APBB2: variants seen among roughly 807,000 people sequenced by gnomAD.
APBB2 encodes Fe65-like 1.
In APBB2, 38 loss-of-function variants were observed where a neutral mutation model predicts 82.5. The observed-to-expected ratio is 0.46, with a 90% confidence interval of 0.36 to 0.60. The LOEUF is 0.60. Among genes scored for constraint, APBB2 ranks in the 20% least tolerant of loss-of-function variants. APBB2 has a pLI of 0.00. For synonymous variants in APBB2, 341 were observed against 368.2 expected (o/e 0.93, Z 0.85); for missense variants, 772 against 972.3 (o/e 0.79, Z 2.74).
At chr4:41,150,946 C>T (rs1762116069) in intron 1 of APBB2, among the ~76,000 whole-genome samples, 1 of 152,110 alleles carries the variant, frequency 6.6e-6, no homozygotes, top group African/African-American at 2.4e-5. Flanking sequence ...ACTATTTGGC[C>T]AGGTTGGTCT....
intron 4 of APBB2, among the ~76,000 whole-genome samples, chr4:41,050,825 G>A (rs1579575304): frequency 6.6e-6 from 1 of 152,136 alleles, no homozygotes; most frequent in African/African-American, 2.4e-5. Context: ...TTCCACAAAG[G>A]TATCAGCTAC....
intron 6 of APBB2, among the ~76,000 whole-genome samples, chr4:40,967,562 C>A (rs1212578496): frequency 6.6e-6 from 1 of 152,172 alleles, no homozygotes. Context: ...TCACAGGGAG[C>A]CAGTACCCAT....
At chr4:41,006,358 A>G (rs960541227) in intron 6 of APBB2, among the ~76,000 whole-genome samples, 2 of 152,258 alleles carry the variant, frequency 1.3e-5, no homozygotes, top group African/African-American at 4.8e-5. Flanking sequence ...CTGAGAAGAC[A>G]TAACAGGAAG....
At chr4:40,947,327 T>C (rs1788723600) in intron 6 of APBB2, among the ~76,000 whole-genome samples, 2 of 152,250 alleles carry the variant, frequency 1.3e-5, no homozygotes, top group African/African-American at 4.8e-5. Context: ...TTACCATTTC[T>C]GTGGTTTATG....
chr4:40,931,039 G>A (rs529034506), intron 10 of APBB2, among the ~76,000 whole-genome samples: 10 of 152,076 alleles, frequency 6.6e-5, no homozygotes, highest in African/African-American at 2.2e-4. Context: ...GAGCCACTGT[G>A]CCCAGCCCAA....
At chr4:40,853,610 T>C (rs1760202344) in intron 12 of APBB2, among the ~76,000 whole-genome samples, 1 of 151,996 alleles carries the variant, frequency 6.6e-6, no homozygotes, top group South Asian at 2.1e-4. Flanking sequence ...CCACCATGTC[T>C]GGCTAATTTT....
chr4:40,825,746 T>G (rs550832270), intron 15 of APBB2, 141 bp downstream of exon 15: 1 of 677,272 alleles, frequency 1.5e-6, no homozygotes, highest in South Asian at 1.7e-5. Context: ...GTTTATGTTC[T>G]CTGGCAGGTG....
At chr4:40,911,556 T>G (rs544175995) in intron 10 of APBB2, among the ~76,000 whole-genome samples, 1 of 152,318 alleles carries the variant, frequency 6.6e-6, no homozygotes, top group African/African-American at 2.4e-5. Context: ...TGTCTTACAC[T>G]GTAGGCCACA....
At chr4:40,945,990 C>T (rs1453950018) in intron 6 of APBB2, among the ~76,000 whole-genome samples, 1 of 152,066 alleles carries the variant, frequency 6.6e-6, no homozygotes, top group Non-Finnish European at 1.5e-5. Flanking sequence ...CCCAGCAATT[C>T]GGGAGGCCGA....
intron 1 of APBB2, among the ~76,000 whole-genome samples, chr4:41,187,611 T>A (rs891812784): frequency 6.6e-6 from 1 of 152,230 alleles, no homozygotes; most frequent in African/African-American, 2.4e-5. Context: ...AAGAATACTG[T>A]AATACTATCT....
chr4:40,938,283 A>C (rs1223073026), intron 7 of APBB2, among the ~76,000 whole-genome samples: 1 of 152,182 alleles, frequency 6.6e-6, no homozygotes, highest in African/African-American at 2.4e-5. Flanking sequence ...GATCCTGCTC[A>C]GTTCTGGGAG....
chr4:40,955,930 C>T (rs1002080797), intron 6 of APBB2, among the ~76,000 whole-genome samples: 1 of 152,044 alleles, frequency 6.6e-6, no homozygotes, highest in African/African-American at 2.4e-5. Context: ...CGTGTGCCAC[C>T]ACGCCCGGCT....
chr4:40,992,252 A>G (rs1802319774), intron 6 of APBB2, among the ~76,000 whole-genome samples: 1 of 151,728 alleles, frequency 6.6e-6, no homozygotes, highest in South Asian at 2.1e-4. Flanking sequence ...AGCCTTGACC[A>G]CCTGGGCCCA....
intron 3 of APBB2, among the ~76,000 whole-genome samples, chr4:41,070,121 C>G (rs1437114671): frequency 6.6e-6 from 1 of 152,168 alleles, no homozygotes; most frequent in East Asian, 1.9e-4. Flanking sequence ...TCAGTTTAAC[C>G]TGCTGGGGCA....
At chr4:41,103,328 T>C (rs1461042364) in intron 2 of APBB2, among the ~76,000 whole-genome samples, 2 of 152,162 alleles carry the variant, frequency 1.3e-5, no homozygotes, top group East Asian at 3.8e-4. Flanking sequence ...AGCTTAACCA[T>C]AATTGCTGGA....
At chr4:40,866,407 A>G (rs1032908304) in intron 12 of APBB2, among the ~76,000 whole-genome samples, 1 of 152,128 alleles carries the variant, frequency 6.6e-6, no homozygotes, top group Non-Finnish European at 1.5e-5. Context: ...AGCTTACCCG[A>G]TGATCGTTAC....
intron 6 of APBB2, among the ~76,000 whole-genome samples, chr4:40,946,955 C>T (rs1443113179): frequency 1.3e-5 from 2 of 152,182 alleles, no homozygotes; most frequent in African/African-American, 2.4e-5. Context: ...TCACTTTCCT[C>T]ATTTAAATCT....
intron 3 of APBB2, among the ~76,000 whole-genome samples, chr4:41,077,937 C>T (rs1736206574): frequency 6.6e-6 from 1 of 152,082 alleles, no homozygotes; most frequent in Non-Finnish European, 1.5e-5. Context: ...AAGAGATGTG[C>T]CATTGTGTTT....
intron 4 of APBB2, among the ~76,000 whole-genome samples, chr4:41,039,511 T>TC (rs1175527503): frequency 6.6e-6 from 1 of 152,146 alleles, no homozygotes; most frequent in Non-Finnish European, 1.5e-5. Flanking sequence ...CAGAATGGGG[T>TC]ATCATAGGCT....
Sources: allele counts gnomAD v4.1 joint callset (sites outside exome capture counted in the v4.1 genomes callset), GRCh38; gene constraint gnomAD v4.1.1; transcripts MANE v1.5; gene names NCBI Gene and HGNC (gene_info 2026-07-23, HGNC 2026-07-21).